CNTN1: variants seen among roughly 807,000 people sequenced by gnomAD.
The protein encoded by CNTN1 is contactin-1.
In CNTN1, 38 loss-of-function variants were observed where a neutral mutation model predicts 126.4. The ratio of observed to expected loss-of-function variants is 0.30; its 90% CI spans 0.23 to 0.39. CNTN1 has a LOEUF of 0.39. Among genes scored for constraint, CNTN1 ranks in the 10% least tolerant of loss-of-function variants. The pLI, the probability that CNTN1 is intolerant of heterozygous loss-of-function variation, is 1.00. For missense variants in CNTN1, 1,009 were observed against 1,248.4 expected (o/e 0.81, Z 2.89); for synonymous variants, 413 against 422.6 (o/e 0.98, Z 0.28).
intron 18 of CNTN1, among the ~76,000 whole-genome samples, chr12:41,016,011 T>G (rs549176522): frequency 8.5e-5 from 13 of 152,322 alleles, no homozygotes; most frequent in South Asian, 2.1e-4. Context: ...TTTATTCCTC[T>G]TACCAGTTTC....
At chr12:41,024,213 T>G (rs893525704) in intron 20 of CNTN1, among the ~76,000 whole-genome samples, 2 of 152,224 alleles carry the variant, frequency 1.3e-5, no homozygotes, top group African/African-American at 4.8e-5. Context: ...ATTATATTAT[T>G]ATTAGACATT....
At chr12:41,004,144 T>G (rs1190240034) in intron 17 of CNTN1, among the ~76,000 whole-genome samples, 5 of 152,210 alleles carry the variant, frequency 3.3e-5, no homozygotes, top group African/African-American at 1.2e-4. Flanking sequence ...ATGTTGTATC[T>G]TTGTTTTCAT....
intron 1 of CNTN1, among the ~76,000 whole-genome samples, chr12:40,712,146 C>T (rs944697599): frequency 1.3e-5 from 2 of 152,132 alleles, no homozygotes; most frequent in African/African-American, 4.8e-5. Context: ...CTAAAATATC[C>T]TTATTTCATA....
chr12:40,780,779 A>T (rs559735697), intron 1 of CNTN1, among the ~76,000 whole-genome samples: 2 of 150,694 alleles, frequency 1.3e-5, no homozygotes, highest in East Asian at 3.9e-4. Flanking sequence ...AGGTTAAGGC[A>T]TTCTATTCAA....
intron 1 of CNTN1, among the ~76,000 whole-genome samples, chr12:40,777,421 C>G (rs1181977671): frequency 2.0e-5 from 3 of 151,444 alleles, no homozygotes; most frequent in African/African-American, 7.3e-5. Flanking sequence ...TCCTGAATAC[C>G]TTACTCTTTG....
intron 1 of CNTN1, among the ~76,000 whole-genome samples, chr12:40,893,338 T>G (rs1203824589): frequency 6.6e-6 from 1 of 152,022 alleles, no homozygotes; most frequent in African/African-American, 2.4e-5. Context: ...GTCTTTAAAT[T>G]GCTATAACAA....
intron 1 of CNTN1, among the ~76,000 whole-genome samples, chr12:40,726,860 ATTTTCTC>A (rs201141548): frequency 0.2 from 30,568 of 151,474 alleles, 3,205 homozygotes; most frequent in Middle Eastern, 0.28. Context: ...CATAATGTAT[ATTTTCTC>A]TAAAATACTT....
At chr12:41,022,015 T>C (rs569077634) in intron 20 of CNTN1, among the ~76,000 whole-genome samples, 12 of 150,066 alleles carry the variant, frequency 8.0e-5, no homozygotes, top group African/African-American at 2.7e-4. Context: ...CCCATATCAT[T>C]GAGTCAAAAT....
chr12:40,959,975 A>C (rs573571607), intron 15 of CNTN1, among the ~76,000 whole-genome samples: 1 of 152,016 alleles, frequency 6.6e-6, no homozygotes, highest in East Asian at 1.9e-4. Flanking sequence ...ACAAAAATAC[A>C]CTTTAACTTC....
chr12:40,750,583 G>T (rs559947455), intron 1 of CNTN1, among the ~76,000 whole-genome samples: 4 of 151,934 alleles, frequency 2.6e-5, no homozygotes, highest in Non-Finnish European at 4.4e-5. Flanking sequence ...CCAGAGGATC[G>T]CTTGAACCCA....
chr12:40,698,278 C>G (rs950600412), intron 1 of CNTN1, among the ~76,000 whole-genome samples: 4 of 134,458 alleles, frequency 3.0e-5, no homozygotes, highest in African/African-American at 1.1e-4. Context: ...CTCTGTCGCC[C>G]AGGCTGGAGT....
intron 1 of CNTN1, among the ~76,000 whole-genome samples, chr12:40,883,422 A>T (rs915427178): frequency 1.3e-5 from 2 of 151,652 alleles, no homozygotes; most frequent in Admixed American, 6.6e-5. Flanking sequence ...GCGTCATAAT[A>T]TTTCAAAGGA....
intron 1 of CNTN1, among the ~76,000 whole-genome samples, chr12:40,790,294 C>T (rs1940170678): frequency 6.6e-6 from 1 of 152,054 alleles, no homozygotes; most frequent in Non-Finnish European, 1.5e-5. Context: ...AGGGAATCTC[C>T]CCGACAACTT....
chr12:40,737,820 T>C (rs1028855666), intron 1 of CNTN1, among the ~76,000 whole-genome samples: 2 of 151,986 alleles, frequency 1.3e-5, no homozygotes, highest in African/African-American at 4.8e-5. Context: ...TAAAAAGATA[T>C]ATAGACAATA....
intron 23 of CNTN1, among the ~76,000 whole-genome samples, chr12:41,035,346 AT>A (rs1274092166): frequency 3.3e-5 from 5 of 152,162 alleles, no homozygotes; most frequent in South Asian, 2.1e-4. Flanking sequence ...TGTGCCAATG[AT>A]TTTTTTCTAC....
At chr12:40,723,359 C>T (rs755163877) in intron 1 of CNTN1, among the ~76,000 whole-genome samples, 3 of 152,194 alleles carry the variant, frequency 2.0e-5, no homozygotes, top group Non-Finnish European at 4.4e-5. Context: ...AAGAAGCCAA[C>T]CTCAGCTGCT....
chr12:40,715,012 A>T (rs549853119), intron 1 of CNTN1, among the ~76,000 whole-genome samples: 81 of 152,298 alleles, frequency 5.3e-4, no homozygotes, highest in African/African-American at 1.8e-3. Context: ...TAGAAAAATT[A>T]AAAAATGGAT....
intron 23 of CNTN1, among the ~76,000 whole-genome samples, chr12:41,055,875 C>A (rs752459955): frequency 6.6e-6 from 1 of 152,134 alleles, no homozygotes; most frequent in South Asian, 2.1e-4. Flanking sequence ...ATTACAGCCA[C>A]GGATTTGCTC....
chr12:40,987,010 C>A (rs1947971323), intron 16 of CNTN1, among the ~76,000 whole-genome samples: 2 of 152,144 alleles, frequency 1.3e-5, no homozygotes, highest in Admixed American at 6.6e-5. Flanking sequence ...TCCATTGTGT[C>A]TTCACAAACT....
Sources: allele counts gnomAD v4.1 joint callset (sites outside exome capture counted in the v4.1 genomes callset), GRCh38; gene constraint gnomAD v4.1.1; transcripts MANE v1.5; gene names NCBI Gene and HGNC (gene_info 2026-07-23, HGNC 2026-07-21).